The following CAMK2B variants were observed in gnomAD, a reference collection of about 807,000 sequenced individuals.
CAMK2B encodes the protein calcium/calmodulin-dependent protein kinase type II subunit beta.
Under a neutral mutation model 93.7 loss-of-function variants are expected in CAMK2B, and 27 were observed. That is an observed-to-expected ratio of 0.29 (90% CI 0.21 to 0.40). CAMK2B has a LOEUF of 0.40. Among genes scored for constraint, CAMK2B ranks in the 10% least tolerant of loss-of-function variants. The pLI is 1.00. For missense variants in CAMK2B, 568 were observed against 895.8 expected (o/e 0.63, Z 4.67); for synonymous variants, 374 against 358.8 (o/e 1.04, Z -0.48).
intron 2 of CAMK2B, among the ~76,000 whole-genome samples, chr7:44,277,714 C>T (rs1382378776): frequency 6.6e-6 from 1 of 152,122 alleles, no homozygotes; most frequent in East Asian, 1.9e-4. Context: ...TCTCCCCCAC[C>T]AACCCTTGCT....
At chr7:44,221,303 G>A (rs897450490) in intron 20 of CAMK2B, among the ~76,000 whole-genome samples, 2 of 152,240 alleles carry the variant, frequency 1.3e-5, no homozygotes, top group South Asian at 2.1e-4. Flanking sequence ...CTGGCCCTGC[G>A]CTTCCCTGCA....
At position 44,228,805 on chromosome 7, in the gene CAMK2B, A is replaced by G; in HGVS notation, c.1459T>C (p.Ser487Pro). 6.7e-7 allele frequency: 1 copy of G among 1,500,992 alleles called. No individual in the cohort carries two copies. Among genetic ancestry groups the G allele is most frequent in the Non-Finnish European group, 8.9e-7 (1 of 1,129,050 alleles). 93.0% of individuals were successfully genotyped at this position (1,500,992 alleles called of 1,614,324 possible). ...GGGGGCCACTACTTACACGGGGAGG[A>G]CAGGGGGCCTAGGAGAGCCGGAGAC... ...CLSPALLGPL[S>P]SPSPRISDIL... is the part of the protein sequence containing the mutation. The change falls in exon 19 of 24, where the codon TCC (serine) becomes CCC (proline). Residue 487 changes from serine to proline, a missense_variant. By Grantham distance (74) the Ser-to-Pro change is moderately conservative. Coordinates refer to ENST00000395749, the MANE Select transcript of CAMK2B (RefSeq NM_001220.5).
intron 2 of CAMK2B, among the ~76,000 whole-genome samples, chr7:44,277,436 C>T (rs970848262): frequency 1.3e-5 from 2 of 152,182 alleles, no homozygotes; most frequent in African/African-American, 2.4e-5. Context: ...CCGAGTATTT[C>T]GGTAAGTGGG....
chr7:44,294,650 C>T (rs1378737808), intron 1 of CAMK2B, among the ~76,000 whole-genome samples: 1 of 152,260 alleles, frequency 6.6e-6, no homozygotes, highest in Non-Finnish European at 1.5e-5. Context: ...GTCCCATCTC[C>T]TGGCCCTCTG....
chr7:44,225,092 G>T lies in CAMK2B; in HGVS notation c.1597+1424C>A, dbSNP rs2096459196. Among the ~76,000 whole-genome samples, 2 of 152,048 alleles carry T rather than the reference G, an allele frequency of 1.3e-5. No homozygotes were observed. The highest frequency in any genetic ancestry group is 2.4e-5 in the African/African-American group (1 of 41,418). On this transcript the variant is annotated intron_variant, in intron 20 of 23. Transcript: ENST00000395749. This position sits in a 1 kb window ranked among gnomAD's most constrained non-coding sequence, Gnocchi z 5.0. ...AGGGCAGGTCTGTGCTGTGGCCCCT[G>T]AAGGTGAGCCTGGACACCGAGCCCC...
intron 6 of CAMK2B, chr7:44,244,883 C>A (rs2128977453): frequency 4.4e-6 from 2 of 454,200 alleles, no homozygotes; most frequent in Non-Finnish European, 8.9e-6. Flanking sequence ...CCCACCTCCA[C>A]CTCCTCGTCA....
rs536425066 is a variant in CAMK2B, at chr7:44,261,531, G to A, written c.220+1474C>T. 3.3e-5 allele frequency among the ~76,000 whole-genome samples: 5 copies of A among 152,344 alleles called. No homozygotes were observed. The East Asian group carries it at 5.8e-4, about 18-fold the overall frequency. ...GGTGGGGCAGAGGCAGATGGGCTCCGGGGTGGCAGCTGGTGGGGGAAATCC... is the reference window on the plus strand; with the variant it reads ...GGTGGGGCAGAGGCAGATGGGCTCCAGGGTGGCAGCTGGTGGGGGAAATCC... On this transcript the variant is annotated intron_variant, in intron 3 of 23. Transcript: ENST00000395749.
At chr7:44,285,114 T>A (rs1329079948) in intron 1 of CAMK2B, among the ~76,000 whole-genome samples, 1 of 152,034 alleles carries the variant, frequency 6.6e-6, no homozygotes, top group Admixed American at 6.5e-5. Context: ...AGGGAGTCAG[T>A]GCCACCCAAT....
At chr7:44,229,612 T>C in intron 17 of CAMK2B, 111 bp from the exon 18 acceptor site, 1 of 378,318 alleles carries the variant, frequency 2.6e-6, no homozygotes, top group Non-Finnish European at 4.7e-6. Flanking sequence ...GACAGCTGGA[T>C]ACCTGGGGCT....
At chr7:44,307,126 A>G (rs1249584085) in intron 1 of CAMK2B, among the ~76,000 whole-genome samples, 7 of 66,948 alleles carry the variant, frequency 1.0e-4, no homozygotes, top group Admixed American at 3.1e-4. Context: ...GGAGGGTGTG[A>G]GCAGGGGGAG....
intron 18 of CAMK2B, 53 bp downstream of exon 18, chr7:44,229,335 G>T (rs1002695970): frequency 2.9e-5 from 37 of 1,281,528 alleles, no homozygotes; most frequent in Non-Finnish European, 3.9e-5. Flanking sequence ...CCCTCTAGGG[G>T]GTTGCCAGCC....
chr7:44,256,313 T>C (rs1584280866), intron 4 of CAMK2B, among the ~76,000 whole-genome samples: 2 of 152,346 alleles, frequency 1.3e-5, no homozygotes, highest in African/African-American at 2.4e-5. Context: ...GTGTGTGCCC[T>C]TGTGTACATG....
intron 1 of CAMK2B, among the ~76,000 whole-genome samples, chr7:44,291,220 GGA>G (rs1446039324): frequency 6.6e-6 from 1 of 152,126 alleles, no homozygotes; most frequent in African/African-American, 2.4e-5. Context: ...CGCCAAGTGG[GGA>G]GAGTGTTGGG....
chr7:44,234,585 T>C, intron 14 of CAMK2B, 54 bp downstream of exon 14: 1 of 1,607,134 alleles, frequency 6.2e-7, no homozygotes, highest in Admixed American at 1.7e-5. Flanking sequence ...GGCGTGGGGG[T>C]GAAGCTGCAG....
chr7:44,229,310 C>T (rs1398031075), intron 18 of CAMK2B, 78 bp downstream of exon 18: 17 of 936,606 alleles, frequency 1.8e-5, no homozygotes, highest in African/African-American at 6.8e-5. Flanking sequence ...AGCCTGCCCT[C>T]GGCTCTGGAG....
At chr7:44,297,284 GAAGAGA>G (rs1403012066) in intron 1 of CAMK2B, among the ~76,000 whole-genome samples, 2 of 151,612 alleles carry the variant, frequency 1.3e-5, no homozygotes, top group East Asian at 3.9e-4. Flanking sequence ...GACAACCACA[GAAGAGA>G]AAGAGAAAGA....
chr7:44,244,591 G>A (rs2096712854), intron 6 of CAMK2B, among the ~76,000 whole-genome samples: 2 of 151,944 alleles, frequency 1.3e-5, no homozygotes, highest in Admixed American at 1.3e-4. Flanking sequence ...CTACCCTCGG[G>A]ATCACACTGC....
intron 4 of CAMK2B, among the ~76,000 whole-genome samples, chr7:44,258,526 G>A (rs2096853594): frequency 6.6e-6 from 1 of 152,250 alleles, no homozygotes; most frequent in Non-Finnish European, 1.5e-5. Context: ...TGGGATGAGG[G>A]CACCAAGGAA....
intron 12 of CAMK2B, 59 bp from the exon 13 acceptor site, chr7:44,239,722 G>T: frequency 2.5e-6 from 3 of 1,184,066 alleles, no homozygotes; most frequent in African/African-American, 1.5e-5. Context: ...CAGACGAGGG[G>T]TGGGCGAGGT....
Sources: gnomAD v4.1 joint callset for allele counts (sites outside exome capture counted in the v4.1 genomes callset) on GRCh38, gnomAD v4.1.1 for gene constraint, Gnocchi (gnomAD v3.1) non-coding constraint, MANE v1.5 for transcripts, NCBI Gene and HGNC (gene_info 2026-07-23, HGNC 2026-07-21) for gene names.